TEKT1: variants seen among roughly 807,000 people sequenced by gnomAD.
TEKT1 encodes the protein tektin-1.
Under a neutral mutation model 34.8 loss-of-function variants are expected in TEKT1, and 32 were observed. The observed-to-expected ratio is 0.92, with a 90% CI of 0.69 to 1.23. The LOEUF is 1.23. Among genes scored for constraint, TEKT1 ranks in the 50% most tolerant of loss-of-function variants. The pLI, the probability that TEKT1 is intolerant of heterozygous loss-of-function variation, is 0.00. For synonymous variants in TEKT1, 207 were observed against 199.8 expected, an observed-to-expected ratio of 1.04 and a Z score of -0.30; for missense variants, 492 against 518.5, an observed-to-expected ratio of 0.95 and a Z score of 0.50.
intron 2 of TEKT1, among the ~76,000 whole-genome samples, chr17:6,827,054 G>A (rs78683240): frequency 0.046 from 6,936 of 152,076 alleles, 534 homozygotes; most frequent in African/African-American, 0.16. Context: ...GCTTTCTTTT[G>A]CCCATTACAC....
At chr17:6,828,358 T>C (rs1904470870) in intron 2 of TEKT1, among the ~76,000 whole-genome samples, 1 of 152,226 alleles carries the variant, frequency 6.6e-6, no homozygotes, top group Non-Finnish European at 1.5e-5. Flanking sequence ...CTAACATTGC[T>C]GACCTGAATG....
At chr17:6,827,028 G>T (rs1468909969) in intron 2 of TEKT1, among the ~76,000 whole-genome samples, 1 of 152,022 alleles carries the variant, frequency 6.6e-6, no homozygotes, top group African/African-American at 2.4e-5. Flanking sequence ...ATCTAATTGG[G>T]CAATTCATTG....
intron 3 of TEKT1, among the ~76,000 whole-genome samples, chr17:6,817,388 A>T (rs181757355): frequency 4.0e-4 from 61 of 152,320 alleles, no homozygotes; most frequent in African/African-American, 1.3e-3. Flanking sequence ...AAAAAATTTT[A>T]AAAGATGTTT....
chr17:6,805,960 A>T (rs1426030472), intron 6 of TEKT1, among the ~76,000 whole-genome samples: 1 of 152,002 alleles, frequency 6.6e-6, no homozygotes, highest in Non-Finnish European at 1.5e-5. Context: ...TGGGGTGGAG[A>T]GTTCTGTAGA....
chr17:6,809,648 TC>T (rs1197557768), intron 6 of TEKT1, among the ~76,000 whole-genome samples: 2 of 152,188 alleles, frequency 1.3e-5, no homozygotes, highest in African/African-American at 4.8e-5. Context: ...CTTCCTTCCT[TC>T]TTCCACCCAC....
At chr17:6,828,386 A>G (rs1238078651) in intron 2 of TEKT1, among the ~76,000 whole-genome samples, 1 of 152,206 alleles carries the variant, frequency 6.6e-6, no homozygotes, top group Non-Finnish European at 1.5e-5. Context: ...CATTTACTGG[A>G]AATTAGAAAA....
At chr17:6,817,617 C>A (rs1739379594) in intron 3 of TEKT1, among the ~76,000 whole-genome samples, 1 of 151,752 alleles carries the variant, frequency 6.6e-6, no homozygotes, top group African/African-American at 2.4e-5. Context: ...AGCCAAGATG[C>A]CATCCTCCTC....
intron 2 of TEKT1, among the ~76,000 whole-genome samples, chr17:6,823,319 T>C (rs1360554965): frequency 6.6e-6 from 1 of 152,236 alleles, no homozygotes; most frequent in East Asian, 1.9e-4. Context: ...CTTATTGTTC[T>C]CTACCCAGCC....
chr17:6,801,624 C>T (rs1000887275), intron 6 of TEKT1, among the ~76,000 whole-genome samples: 2 of 152,102 alleles, frequency 1.3e-5, no homozygotes, highest in East Asian at 3.8e-4. Context: ...AGGAGAATTG[C>T]TTGAACCCAG....
chr17:6,813,387 G>C (rs938681651), intron 5 of TEKT1, among the ~76,000 whole-genome samples: 1 of 152,054 alleles, frequency 6.6e-6, no homozygotes, highest in African/African-American at 2.4e-5. Flanking sequence ...GAGATAATTT[G>C]AGCATCAAAA....
At chr17:6,818,881 T>C (rs1977045575) in intron 3 of TEKT1, among the ~76,000 whole-genome samples, 2 of 152,192 alleles carry the variant, frequency 1.3e-5, no homozygotes, top group African/African-American at 4.8e-5. Flanking sequence ...ATCTCTAGAC[T>C]CTTTGAATGT....
rs1466291270 is a variant in TEKT1 at position 6,800,905 on chromosome 17, T to A, written c.891A>T (p.Thr297=). 6.2e-7 allele frequency: 1 copy of A among 1,614,064 alleles called. No individual in the cohort carries two copies. The highest frequency in any genetic ancestry group is 1.7e-5 in the Admixed American group (1 of 60,006). Residue 297 remains threonine, a synonymous_variant, in exon 7 of 8, where the codon ACA becomes ACT. Transcript: ENST00000338694. ...EEIASQEKNI[T]ALEKAILDQE... ...GGTCAAGGATGGCCTTTTCAAGAGC[T>A]GTAATATTTTTCTCCTGGGAAGCAA...
chr17:6,816,088 A>G, intron 3 of TEKT1, 126 bp from the exon 4 acceptor site: 2 of 1,322,866 alleles, frequency 1.5e-6, no homozygotes, highest in Non-Finnish European at 2.0e-6. Context: ...CCATCCGATG[A>G]CACAGTGGGT....
intron 2 of TEKT1, 116 bp downstream of exon 2, chr17:6,830,071 A>C: frequency 9.4e-7 from 1 of 1,068,350 alleles, no homozygotes; most frequent in Non-Finnish European, 1.3e-6. Context: ...GAGAATACAC[A>C]TGATTTTCTC....
intron 3 of TEKT1, among the ~76,000 whole-genome samples, chr17:6,817,961 A>C (rs1977028553): frequency 6.6e-6 from 1 of 152,142 alleles, no homozygotes; most frequent in East Asian, 1.9e-4. Context: ...TCTTTGCTTC[A>C]TAGATTTCTA....
At chr17:6,805,636 G>A (rs1263009669) in intron 6 of TEKT1, among the ~76,000 whole-genome samples, 2 of 152,046 alleles carry the variant, frequency 1.3e-5, no homozygotes, top group Non-Finnish European at 2.9e-5. Flanking sequence ...ACACTGCTTC[G>A]AATGTGTCCC....
chr17:6,819,093 A>C (rs1044602767), intron 3 of TEKT1, 100 bp downstream of exon 3: 2 of 1,395,662 alleles, frequency 1.4e-6, no homozygotes, highest in African/African-American at 2.9e-5. Context: ...CACCTGCTCA[A>C]GTGCTGTGTT....
chr17:6,815,093 G>A (rs1976985122), intron 5 of TEKT1, 70 bp downstream of exon 5: 1 of 1,537,640 alleles, frequency 6.5e-7, no homozygotes, highest in Non-Finnish European at 8.8e-7. Flanking sequence ...GCAAGGACGA[G>A]CCGCTAGGTC....
At chr17:6,826,014 C>T (rs1358197210) in intron 2 of TEKT1, among the ~76,000 whole-genome samples, 3 of 152,238 alleles carry the variant, frequency 2.0e-5, no homozygotes, top group Non-Finnish European at 2.9e-5. Context: ...GTAGTCAATA[C>T]TGCCAAAGCT....
Sources: allele counts gnomAD v4.1 joint callset (sites outside exome capture counted in the v4.1 genomes callset), GRCh38; gene constraint gnomAD v4.1.1; transcripts MANE v1.5; gene names NCBI Gene and HGNC (gene_info 2026-07-23, HGNC 2026-07-21).